Variants in SLCO6A1 observed in about 807,000 individuals in gnomAD.
SLCO6A1 encodes the protein solute carrier organic anion transporter family member 6A1, also known as cancer/testis antigen 48.
SLCO6A1 carries 65 observed loss-of-function variants against 72.7 expected under a neutral mutation model. The observed-to-expected ratio is 0.89, with a 90% CI of 0.73 to 1.10. The LOEUF is 1.10. Ranked by LOEUF, SLCO6A1 falls within the 50% of genes least tolerant of loss-of-function variation. The pLI is 0.00. For synonymous variants in SLCO6A1, 314 were observed against 298.2 expected, an observed-to-expected ratio of 1.05 and a Z score of -0.55; for missense variants, 874 against 872.6, an observed-to-expected ratio of 1.00 and a Z score of -0.02.
rs764992878 is a variant in SLCO6A1, at chr5:102,438,762, C to T, written c.1132-1G>A. 1.3e-6 allele frequency: 2 copies of T among 1,524,840 alleles called. No individual in the cohort carries two copies. Among genetic ancestry groups the T allele is most frequent in the Non-Finnish European group, 1.7e-6 (2 of 1,143,620 alleles). The allele number at this position is 1,524,840 out of a possible 1,614,324, so 94.5% of individuals were successfully genotyped here. ...TGAGCACTGGATTCTTCATCAGAAT[C>T]TGAAATAAAAATAAGTTATATATCT... is the stretch of plus-strand genomic sequence containing the variant. On this transcript the variant is annotated splice_acceptor_variant, in intron 6 of 13. Transcript: ENST00000506729. LOFTEE classifies it high-confidence loss of function.
At chr5:102,379,557 G>C (rs1256226066) in intron 12 of SLCO6A1, among the ~76,000 whole-genome samples, 3 of 152,114 alleles carry the variant, frequency 2.0e-5, no homozygotes, top group Non-Finnish European at 2.9e-5. Flanking sequence ...AATTAGTTGA[G>C]TGTGCATATG....
chr5:102,449,976 G>A (rs1750329178), intron 6 of SLCO6A1, among the ~76,000 whole-genome samples: 1 of 152,174 alleles, frequency 6.6e-6, no homozygotes, highest in Admixed American at 6.5e-5. Flanking sequence ...TTTTTCAGCT[G>A]TATCATCTAG....
chr5:102,388,887 GCA>G (rs1470147207), intron 11 of SLCO6A1, 62 bp from the exon 12 acceptor site: 1 of 1,417,460 alleles, frequency 7.1e-7, no homozygotes, highest in East Asian at 2.4e-5. Context: ...AACATGTAAT[GCA>G]CACACAGATA....
intron 4 of SLCO6A1, among the ~76,000 whole-genome samples, chr5:102,475,125 T>C (rs1220134372): frequency 6.6e-6 from 1 of 152,104 alleles, no homozygotes; most frequent in Non-Finnish European, 1.5e-5. Context: ...CTCTGTGGGA[T>C]ATTTGTACAC....
chr5:102,462,133 C>CAATAA (rs1468102532), intron 4 of SLCO6A1, among the ~76,000 whole-genome samples: 2 of 151,930 alleles, frequency 1.3e-5, no homozygotes, highest in East Asian at 1.9e-4. Context: ...ACAACAGCTG[C>CAATAA]AATAAAATAA....
At chr5:102,389,441 C>CACA in intron 11 of SLCO6A1, among the ~76,000 whole-genome samples, 1 of 56,044 alleles carries the variant, frequency 1.8e-5, no homozygotes, top group Admixed American at 1.4e-4. Flanking sequence ...CAGTCACACA[C>CACA]CCCGCCCCCC....
At chr5:102,449,551 T>G (rs2112719387) in intron 6 of SLCO6A1, among the ~76,000 whole-genome samples, 1 of 152,208 alleles carries the variant, frequency 6.6e-6, no homozygotes, top group African/African-American at 2.4e-5. Flanking sequence ...CACACCCAGC[T>G]AATTTTTTGT....
chr5:102,490,503 C>T (rs1752623024), intron 1 of SLCO6A1, among the ~76,000 whole-genome samples: 1 of 152,198 alleles, frequency 6.6e-6, no homozygotes, highest in Non-Finnish European at 1.5e-5. Context: ...GTTTAATTGA[C>T]TCACAGTGTG....
intron 9 of SLCO6A1, among the ~76,000 whole-genome samples, chr5:102,412,526 C>A (rs148271445): frequency 8.7e-4 from 133 of 152,090 alleles, no homozygotes; most frequent in African/African-American, 3.0e-3. Flanking sequence ...GAGGTGAGAC[C>A]AAGGCAGGTG....
At chr5:102,459,256 GAAAAATTTTAAAAAC>G in intron 5 of SLCO6A1, among the ~76,000 whole-genome samples, 1 of 152,092 alleles carries the variant, frequency 6.6e-6, no homozygotes, top group East Asian at 1.9e-4. Flanking sequence ...GAACAAAAAG[GAAAAATTTTAAAAAC>G]TTGCTGAACA....
At chr5:102,377,175 T>C (rs764622456) in intron 12 of SLCO6A1, among the ~76,000 whole-genome samples, 5 of 152,034 alleles carry the variant, frequency 3.3e-5, no homozygotes, top group Non-Finnish European at 7.4e-5. Flanking sequence ...AAAATATATA[T>C]ACACAGAAGC....
intron 1 of SLCO6A1, among the ~76,000 whole-genome samples, chr5:102,486,379 C>G (rs1444032837): frequency 1.3e-5 from 2 of 152,024 alleles, no homozygotes; most frequent in Non-Finnish European, 2.9e-5. Flanking sequence ...TAAAATTCAA[C>G]AAAAGCTTCT....
chr5:102,455,643 T>C (rs889298761), intron 6 of SLCO6A1, among the ~76,000 whole-genome samples: 4 of 152,166 alleles, frequency 2.6e-5, no homozygotes, highest in African/African-American at 2.4e-5. Context: ...ATAATATTGA[T>C]ACATGCATGT....
chr5:102,423,751 C>T (rs1359807923), intron 7 of SLCO6A1, among the ~76,000 whole-genome samples: 2 of 152,190 alleles, frequency 1.3e-5, no homozygotes, highest in Non-Finnish European at 2.9e-5. Context: ...AGGACTTGAA[C>T]TCAGCTCTGG....
chr5:102,467,154 C>T (rs1336075217), intron 4 of SLCO6A1, among the ~76,000 whole-genome samples: 1 of 152,050 alleles, frequency 6.6e-6, no homozygotes, highest in African/African-American at 2.4e-5. Flanking sequence ...TTGGGTTTTA[C>T]ATTTAAGTCT....
intron 9 of SLCO6A1, among the ~76,000 whole-genome samples, chr5:102,407,193 C>T (rs1028229645): frequency 4.6e-5 from 7 of 152,162 alleles, no homozygotes; most frequent in East Asian, 1.9e-4. Context: ...ATTGCCATGG[C>T]GACAGTAGTA....
intron 10 of SLCO6A1, among the ~76,000 whole-genome samples, chr5:102,391,546 T>C (rs1044642729): frequency 2.6e-5 from 4 of 151,814 alleles, no homozygotes; most frequent in African/African-American, 9.7e-5. Flanking sequence ...AGGTCAAGAT[T>C]TGTATTCAAA....
intron 12 of SLCO6A1, among the ~76,000 whole-genome samples, chr5:102,381,596 G>A (rs1746109284): frequency 6.6e-6 from 1 of 151,796 alleles, no homozygotes; most frequent in Non-Finnish European, 1.5e-5. Flanking sequence ...ACACCCAGTA[G>A]TGAGATTGCT....
At chr5:102,377,899 CTTT>C (rs34866181) in intron 12 of SLCO6A1, among the ~76,000 whole-genome samples, 6,492 of 145,386 alleles carry the variant, frequency 0.045, 438 homozygotes, top group African/African-American at 0.15. Context: ...GTCTTAAACT[CTTT>C]TTTTTTTTTT....
Sources: allele counts gnomAD v4.1 joint callset (sites outside exome capture counted in the v4.1 genomes callset), GRCh38; gene constraint gnomAD v4.1.1; transcripts MANE v1.5; gene names NCBI Gene and HGNC (gene_info 2026-07-23, HGNC 2026-07-21).